Variants in ZNF516 observed in about 807,000 individuals in gnomAD.
ZNF516 encodes the protein zinc finger protein 516.
Under a neutral mutation model 79.7 loss-of-function variants are expected in ZNF516, and 19 were observed. The ratio of observed to expected loss-of-function variants is 0.24; its 90% CI spans 0.17 to 0.35. The LOEUF is 0.35. Ranked by LOEUF, ZNF516 falls within the 10% of genes least tolerant of loss-of-function variation. The pLI is 1.00. For missense variants in ZNF516, 1,678 were observed against 1,679.5 expected (o/e 1.00, Z 0.02); for synonymous variants, 877 against 739.5 (o/e 1.19, Z -3.02).
intron 1 of ZNF516, chr18:76,490,864 C>T (rs1915138381): frequency 1.0e-6 from 1 of 985,508 alleles, no homozygotes; most frequent in African/African-American, 1.7e-5. Flanking sequence ...GAAGGCCAGC[C>T]CAACGCCCAC....
chr18:76,490,302 G>T, intron 1 of ZNF516: 1 of 556,434 alleles, frequency 1.8e-6, no homozygotes, highest in Non-Finnish European at 2.3e-6. Flanking sequence ...GGGGCGAGGG[G>T]TTCTCAGACC....
chr18:76,488,073 G>A (rs902052772), intron 1 of ZNF516: 14 of 985,036 alleles, frequency 1.4e-5, no homozygotes, highest in African/African-American at 1.4e-4. Context: ...ATCTGCCTCC[G>A]AGAACCTCCA....
At position 76,379,113 on chromosome 18, in the gene ZNF516, C is replaced by T. The variant is rs542342840; in HGVS notation, c.3001G>A (p.Glu1001Lys). ...EGGAPPLPPR[E>K]PPSKAAQELR... Reference sequence around the variant, plus strand: ...TCCTGGGCTGCCTTCGAGGGGGGCTCGCGGGGAGGTAGAGGAGGAGCGCCC... The same window carrying T: ...TCCTGGGCTGCCTTCGAGGGGGGCTTGCGGGGAGGTAGAGGAGGAGCGCCC... The change falls in exon 4 of 7, where the codon GAG becomes AAG. Residue 1001 changes from glutamate (E) to lysine (K), a missense_variant. Coordinates refer to ENST00000443185, the MANE Select transcript of ZNF516 (RefSeq NM_014643.4). The T allele has an allele frequency of 1.9e-5, 31 of 1,611,886 alleles. No homozygotes were observed. The highest frequency in any genetic ancestry group is 1.5e-4 in the South Asian group (14 of 91,072).
chr18:76,426,313 A>C (rs1475394602), intron 3 of ZNF516, among the ~76,000 whole-genome samples: 1 of 152,198 alleles, frequency 6.6e-6, no homozygotes, highest in African/African-American at 2.4e-5. Flanking sequence ...CTAGTAATAA[A>C]CAAAAGGAGT....
In ZNF516 at chr18:76,402,900, G is replaced by A. The variant is rs116079897; in HGVS notation, c.1811-22597C>T. On this transcript the variant is annotated intron_variant, in intron 3 of 6. Coordinates refer to ENST00000443185, the MANE Select transcript of ZNF516 (RefSeq NM_014643.4). ...ATGCTGGCAGCTGCTGTCTGCGCTCGCAGGACAACAAGTGATCCACTGGTT... is the reference window on the plus strand; with the variant it reads ...ATGCTGGCAGCTGCTGTCTGCGCTCACAGGACAACAAGTGATCCACTGGTT... Among the ~76,000 whole-genome samples the A allele has an allele frequency of 1.0e-2, 1,521 of 152,304 alleles. 30 individuals carry two copies. Among genetic ancestry groups the A allele is most frequent in the African/African-American group, 0.034 (1,406 of 41,558 alleles).
intron 3 of ZNF516, among the ~76,000 whole-genome samples, chr18:76,436,768 G>T (rs550399584): frequency 3.6e-4 from 55 of 152,028 alleles, no homozygotes; most frequent in African/African-American, 1.3e-3. Context: ...CTGTTTCAAC[G>T]GGTAAACACA....
chr18:76,452,942 G>A (rs1369274284), intron 2 of ZNF516, among the ~76,000 whole-genome samples: 3 of 152,220 alleles, frequency 2.0e-5, no homozygotes, highest in African/African-American at 7.2e-5. Context: ...AGGAGTGTCC[G>A]TGTGAAAATG....
At chr18:76,365,562 C>T (rs2074600274) in intron 6 of ZNF516, among the ~76,000 whole-genome samples, 1 of 152,334 alleles carries the variant, frequency 6.6e-6, no homozygotes, top group Non-Finnish European at 1.5e-5. Context: ...AGAAATTAAA[C>T]ATTTATTCAG....
At chr18:76,428,312 G>A (rs1018065895) in intron 3 of ZNF516, among the ~76,000 whole-genome samples, 10 of 150,318 alleles carry the variant, frequency 6.7e-5, no homozygotes, top group Non-Finnish European at 1.3e-4. Flanking sequence ...AGAATCGCTT[G>A]AACCTGACAG....
rs780017341 is a variant in ZNF516, at chr18:76,362,462, C to T, written c.*36G>A. 6.8e-6 allele frequency: 11 copies of T among 1,607,398 alleles called. No homozygotes were observed. Among genetic ancestry groups the T allele is most frequent in the Admixed American group, 5.0e-5 (3 of 59,662 alleles). ...ACATCGTGAGGGTACTGCTAATGGCCGTTACGGGGACCTGGGGTGCGTCGG... is the reference window on the plus strand; with the variant it reads ...ACATCGTGAGGGTACTGCTAATGGCTGTTACGGGGACCTGGGGTGCGTCGG... On this transcript the variant is annotated 3_prime_UTR_variant, in exon 7 of 7. Transcript: ENST00000443185.
Position 76,441,730 on chromosome 18 carries a change from G to A in ZNF516, c.1325C>T (p.Ala442Val), listed in dbSNP as rs371469336. The A allele has an allele frequency of 2.4e-5, 37 of 1,572,932 alleles. No individual in the cohort carries two copies. In the African/African-American group the frequency reaches 3.5e-4, roughly 15 times the overall value. ...GTCGAAGGCCACGTCCCCGGCCAGC[G>A]CCTCGTCCCAGGCCCCGTACTTGAG... ...EYLKYGAWDE[A>V]LAGDVAFDKD... The change falls in exon 3 of 7, where the codon GCG becomes GTG. Residue 442 changes from alanine (A) to valine (V), a missense_variant. By Grantham distance (64) the Ala-to-Val change is moderately conservative. Transcript: ENST00000443185.
At chr18:76,452,302 G>A (rs774592902) in intron 2 of ZNF516, among the ~76,000 whole-genome samples, 7 of 152,192 alleles carry the variant, frequency 4.6e-5, no homozygotes, top group Non-Finnish European at 8.8e-5. Context: ...TTCAGAAAAC[G>A]AGGTAGAGTG....
chr18:76,370,502 G>A, intron 6 of ZNF516, 26 bp downstream of exon 6: 3 of 1,583,346 alleles, frequency 1.9e-6, no homozygotes, highest in Non-Finnish European at 2.6e-6. Context: ...TCGAAACCCA[G>A]ACATCCAATT....
intron 4 of ZNF516, 53 bp from the exon 5 acceptor site, chr18:76,371,624 G>C (rs2074708892): frequency 6.7e-7 from 1 of 1,495,510 alleles, no homozygotes; most frequent in Admixed American, 1.8e-5. Context: ...TTGGCGTGGA[G>C]GTGAGGAGGC....
intron 2 of ZNF516, among the ~76,000 whole-genome samples, chr18:76,452,745 G>A (rs1377465081): frequency 6.6e-6 from 1 of 152,200 alleles, no homozygotes; most frequent in Non-Finnish European, 1.5e-5. Context: ...TCACCAGTAT[G>A]AAGCTGCCCG....
rs749172042 is a variant in ZNF516 at position 76,371,575 on chromosome 18, C to T, written c.3260-4G>A. 32 of 1,607,768 alleles carry T rather than the reference C, an allele frequency of 2.0e-5. No individual in the cohort carries two copies. The highest frequency in any genetic ancestry group is 2.6e-5 in the Non-Finnish European group (31 of 1,179,048). ...CGGGCCTGCGTCCGGAGTGTCCCTG[C>T]GGTGGCGAGGTGGTGGTGGTGGCAG... On this transcript the variant is annotated splice_region_variant and splice_polypyrimidine_tract_variant and intron_variant, in intron 4 of 6. Transcript: ENST00000443185.
chr18:76,381,670 T>C (rs759004526), intron 3 of ZNF516, among the ~76,000 whole-genome samples: 1 of 152,236 alleles, frequency 6.6e-6, no homozygotes, highest in Non-Finnish European at 1.5e-5. Flanking sequence ...TAACAAATGC[T>C]GGTTTTCAAT....
Position 76,472,016 on chromosome 18 carries a change from G to A in ZNF516, c.-271-8875C>T, listed in dbSNP as rs1325212449. Among the ~76,000 whole-genome samples the A allele has an allele frequency of 2.0e-5, 3 of 152,156 alleles. No individual in the cohort carries two copies. The East Asian group carries it at 5.8e-4, about 29-fold the overall frequency. ...TTACAGACTCTAGACCTTCCAGCAT[G>A]AACCAAGTCAGAATCACGGCACTCT... On this transcript the variant is annotated intron_variant, in intron 1 of 6. Transcript: ENST00000443185.
intron 1 of ZNF516, among the ~76,000 whole-genome samples, chr18:76,471,083 A>G (rs182462053): frequency 4.4e-4 from 67 of 152,322 alleles, no homozygotes; most frequent in Non-Finnish European, 7.1e-4. Flanking sequence ...TACATCAAAA[A>G]TATGATTTAC....
Sources: allele counts gnomAD v4.1 joint callset (sites outside exome capture counted in the v4.1 genomes callset), GRCh38; gene constraint gnomAD v4.1.1; transcripts MANE v1.5; gene names NCBI Gene and HGNC (gene_info 2026-07-23, HGNC 2026-07-21).